Variants in RFX6 observed in about 807,000 individuals in gnomAD.
RFX6 encodes the protein regulatory factor X6, also known as DNA-binding protein RFX6.
RFX6 carries 50 observed loss-of-function variants against 110.8 expected under a neutral mutation model. The ratio of observed to expected loss-of-function variants is 0.45; its 90% CI spans 0.36 to 0.57. RFX6 has a LOEUF of 0.57. RFX6 is among the 20% of genes least tolerant of loss of function. The pLI is 0.00. For synonymous variants in RFX6, 383 were observed against 411.2 expected (o/e 0.93, Z 0.83); for missense variants, 990 against 1,127.0 (o/e 0.88, Z 1.74).
chr6:116,930,088 C>T (rs657963), intron 18 of RFX6, among the ~76,000 whole-genome samples: 37,020 of 152,004 alleles, frequency 0.24, 4,898 homozygotes, highest in South Asian at 0.42. Context: ...TTCTGTTTAC[C>T]TGAAGAGATA....
At position 116,928,868 on chromosome 6, in the gene RFX6, C is replaced by G; in HGVS notation, c.2508C>G (p.Asp836Glu). 6.2e-7 allele frequency: 1 copy of G among 1,612,882 alleles called. No individual in the cohort carries two copies. Residue 836 changes from aspartate (D) to glutamate (E), a missense_variant, in exon 18 of 19, where the codon GAC becomes GAG. Asp to Glu is a conservative substitution (Grantham distance 45). This residue lies in a region of RFX6 where 438 missense variants were observed against 441.9 expected (regional missense o/e 0.99). Coordinates refer to ENST00000332958, the MANE Select transcript of RFX6 (RefSeq NM_173560.4). Reference sequence around the variant, plus strand: ...TTCGTTCACTGCCCCCCTACAGTGACATCCACGATCCACTTAACATTTTAG... The same window carrying G: ...TTCGTTCACTGCCCCCCTACAGTGAGATCCACGATCCACTTAACATTTTAG... ...SSIRSLPPYS[D>E]IHDPLNILDD... is the part of the protein sequence containing the mutation.
chr6:116,917,133 T>C (rs1428971032), intron 9 of RFX6, among the ~76,000 whole-genome samples: 2 of 152,108 alleles, frequency 1.3e-5, no homozygotes, highest in Non-Finnish European at 2.9e-5. Context: ...AAGCAAAAGC[T>C]ATTTATAGAT....
chr6:116,892,267 C>A lies in RFX6; in HGVS notation c.567-1720C>A, dbSNP rs562732319. Among the ~76,000 whole-genome samples the A allele has an allele frequency of 3.9e-5, 6 of 152,324 alleles. No individual in the cohort carries two copies. The East Asian group carries it at 1.2e-3, about 29-fold the overall frequency. ...CCCTTAGCACCTGAGAAGAGAGAAGCCATTTCTGGGCCTCCCACTTTGGGG... is the reference window on the plus strand; with the variant it reads ...CCCTTAGCACCTGAGAAGAGAGAAGACATTTCTGGGCCTCCCACTTTGGGG... On this transcript the variant is annotated intron_variant, in intron 4 of 18. Transcript: ENST00000332958.
At chr6:116,891,818 G>A (rs575543313) in intron 4 of RFX6, among the ~76,000 whole-genome samples, 24 of 151,846 alleles carry the variant, frequency 1.6e-4, no homozygotes, top group African/African-American at 3.1e-4. Context: ...CTTTCTTTTC[G>A]TTTCTAATTA....
chr6:116,888,339 G>A (rs1057243870), intron 4 of RFX6, among the ~76,000 whole-genome samples: 1 of 152,142 alleles, frequency 6.6e-6, no homozygotes, highest in Non-Finnish European at 1.5e-5. Context: ...CATATTAAAA[G>A]TCTGTTATAT....
At chr6:116,924,933 A>T in intron 15 of RFX6, 142 bp downstream of exon 15, 1 of 676,798 alleles carries the variant, frequency 1.5e-6, no homozygotes, top group Admixed American at 2.3e-5. Flanking sequence ...CTCACCATAC[A>T]GTCACACTAT....
chr6:116,884,991 G>A (rs954533646), intron 4 of RFX6: 3 of 152,186 alleles, frequency 2.0e-5, no homozygotes, highest in Admixed American at 1.3e-4. Flanking sequence ...ATAGCAAAAT[G>A]TAGTTTGTAT....
chr6:116,877,673 C>T (rs1774492532), intron 1 of RFX6, 123 bp from the exon 2 acceptor site: 2 of 1,061,610 alleles, frequency 1.9e-6, no homozygotes, highest in Admixed American at 2.2e-5. Flanking sequence ...TTGCATAGCC[C>T]CCCTTTCCTC....
intron 16 of RFX6, among the ~76,000 whole-genome samples, chr6:116,926,565 G>A (rs532465139): frequency 2.6e-5 from 4 of 152,292 alleles, no homozygotes; most frequent in African/African-American, 9.6e-5. Flanking sequence ...GCGGCCCAGA[G>A]AGTTGGTGGC....
chr6:116,927,422 C>T lies in RFX6; in HGVS notation c.2281C>T (p.Leu761=), dbSNP rs781040905. The T allele has an allele frequency of 3.7e-6, 6 of 1,614,028 alleles. No homozygotes were observed. The highest frequency in any genetic ancestry group is 2.5e-6 in the Non-Finnish European group (3 of 1,180,018). Reference sequence around the variant, plus strand: ...GCCACCGTCTAGCTATGGCCCATCCCTGCAAGCCCAGGATTCACACAATAT... The same window carrying T: ...GCCACCGTCTAGCTATGGCCCATCCTTGCAAGCCCAGGATTCACACAATAT... ...SRPPSSYGPS[L]QAQDSHNMQF... is the part of the protein sequence containing the mutation. Residue 761 remains leucine (L), a synonymous_variant, in exon 17 of 19, where the codon CTG becomes TTG. Coordinates refer to ENST00000332958, the MANE Select transcript of RFX6 (RefSeq NM_173560.4).
intron 17 of RFX6, among the ~76,000 whole-genome samples, chr6:116,928,389 G>A (rs1775799908): frequency 6.6e-6 from 1 of 152,138 alleles, no homozygotes; most frequent in African/African-American, 2.4e-5. Flanking sequence ...GTATTTTTGT[G>A]ACAGGCGATA....
At chr6:116,903,722 TTC>T (rs1356997394) in intron 6 of RFX6, among the ~76,000 whole-genome samples, 2 of 152,094 alleles carry the variant, frequency 1.3e-5, no homozygotes, top group African/African-American at 4.8e-5. Flanking sequence ...CCCTGTGACT[TTC>T]TGTTTTCCTT....
chr6:116,878,435 A>G (rs1428052880), intron 2 of RFX6, among the ~76,000 whole-genome samples: 1 of 152,168 alleles, frequency 6.6e-6, no homozygotes, highest in African/African-American at 2.4e-5. Context: ...GACATAGAAA[A>G]AATCGGTTAA....
At chr6:116,881,454 AG>A (rs1232271816) in intron 3 of RFX6, among the ~76,000 whole-genome samples, 2 of 152,092 alleles carry the variant, frequency 1.3e-5, no homozygotes, top group African/African-American at 4.8e-5. Flanking sequence ...ACTACAGTCC[AG>A]CTTCTCATTT....
rs1047487426 is a variant in RFX6 at position 116,931,348 on chromosome 6, C to T, written c.2629C>T (p.Pro877Ser). 2 of 1,612,696 alleles carry T rather than the reference C, an allele frequency of 1.2e-6. No homozygotes were observed. The highest frequency in any genetic ancestry group is 1.3e-5 in the African/African-American group (1 of 74,830). Residue 877 changes from proline to serine, a missense_variant, in exon 19 of 19, where the codon CCA (proline) becomes TCA (serine). By Grantham distance (74) the Pro-to-Ser change is moderately conservative (BLOSUM62 -1). This residue lies in a region of RFX6 where 438 missense variants were observed against 441.9 expected (regional missense o/e 0.99). Transcript: ENST00000332958. Reference protein sequence around the residue: ...TPVLASSLQTPIPSSSSQCMY... With the variant: ...TPVLASSLQTSIPSSSSQCMY... Reference sequence around the variant, plus strand: ...CCTTACAGCTTCCAGTTTGCAAACCCCAATTCCTTCTTCCTCATCCCAATG... The same window carrying T: ...CCTTACAGCTTCCAGTTTGCAAACCTCAATTCCTTCTTCCTCATCCCAATG...
rs745896058 is a variant in RFX6, at chr6:116,927,001, A to G, written c.1886-26A>G. ...CTCATCTACTTTAATATGACACTAA[A>G]GGAATGTTCTGGTGATTTTTTCCAG... is the stretch of plus-strand genomic sequence containing the variant. On this transcript the variant is annotated intron_variant, in intron 16 of 18. Transcript: ENST00000332958. 3.1e-6 allele frequency: 5 copies of G among 1,601,632 alleles called. No individual in the cohort carries two copies. The African/African-American group carries it at 6.7e-5, about 21-fold the overall frequency.
At chr6:116,911,451 T>C (rs1775349465) in intron 7 of RFX6, among the ~76,000 whole-genome samples, 1 of 152,190 alleles carries the variant, frequency 6.6e-6, no homozygotes, top group African/African-American at 2.4e-5. Flanking sequence ...CTGAGGGACA[T>C]GCTAGATGAA....
chr6:116,922,143 G>C lies in RFX6; in HGVS notation c.1429G>C (p.Val477Leu). ...GTTGGATACTGTGGTAGAACAGAGA[G>C]TTATTAAGGTACTTTTTAATGACAG... ...EWLDTVVEQR[V>L]IKTSKQNGRS... Residue 477 changes from valine (V) to leucine (L), a missense_variant, in exon 13 of 19, where the codon GTT becomes CTT. Coordinates refer to ENST00000332958, the MANE Select transcript of RFX6 (RefSeq NM_173560.4). 7.4e-7 allele frequency: 1 copy of C among 1,349,880 alleles called. No homozygotes were observed. The highest frequency in any genetic ancestry group is 1.1e-6 in the Non-Finnish European group (1 of 940,272). The allele number at this position is 1,349,880 out of a possible 1,614,324, so 83.6% of individuals were successfully genotyped here. A position where few individuals can be genotyped will look rare whatever the true frequency, so the allele number is the denominator to read the frequency against.
chr6:116,913,135 G>A (rs1282091676), intron 7 of RFX6, among the ~76,000 whole-genome samples: 1 of 152,082 alleles, frequency 6.6e-6, no homozygotes, highest in Non-Finnish European at 1.5e-5. Flanking sequence ...GCGCCATCTC[G>A]GCTCACGGCA....
Sources: gnomAD v4.1 joint callset for allele counts (sites outside exome capture counted in the v4.1 genomes callset) on GRCh38, gnomAD v4.1.1 for gene constraint, gnomAD v4.1.1 regional missense constraint, MANE v1.5 for transcripts, NCBI Gene and HGNC (gene_info 2026-07-23, HGNC 2026-07-21) for gene names.